Variants in FAM107A observed in about 807,000 individuals in gnomAD.
FAM107A encodes the protein actin-associated protein FAM107A.
In FAM107A, 19 loss-of-function variants were observed where a neutral mutation model predicts 13.7. The ratio of observed to expected loss-of-function variants is 1.38; its 90% CI spans 0.97 to 2.03. The LOEUF (loss-of-function observed/expected upper bound fraction) is 2.03. Among genes scored for constraint, FAM107A ranks in the 30% most tolerant of loss-of-function variants. The pLI is 0.00. For synonymous variants in FAM107A, 82 were observed against 74.5 expected (o/e 1.10, Z -0.52); for missense variants, 203 against 184.4 (o/e 1.10, Z -0.58).
At chr3:58,614,271 C>A (rs1438862663) in intron 1 of FAM107A, among the ~76,000 whole-genome samples, 5 of 152,074 alleles carry the variant, frequency 3.3e-5, no homozygotes, top group Non-Finnish European at 7.4e-5. Context: ...TTTTTTGCTT[C>A]TATGTCATGA....
At chr3:58,618,432 C>T (rs2065923254) in intron 1 of FAM107A, among the ~76,000 whole-genome samples, 1 of 152,196 alleles carries the variant, frequency 6.6e-6, no homozygotes, top group South Asian at 2.1e-4. Context: ...CTCACTTTAC[C>T]CTAAACCAGT....
Position 58,613,888 on chromosome 3 carries a change from C to A in FAM107A, c.-70+13528G>T, listed in dbSNP as rs930069615. Among the ~76,000 whole-genome samples the A allele has an allele frequency of 6.6e-6, 1 of 152,246 alleles. No individual in the cohort carries two copies. Among genetic ancestry groups the A allele is most frequent in the Non-Finnish European group, 1.5e-5 (1 of 68,036 alleles). ...TATACGTTACATCTGCCTCAGACAG[C>A]CTTCTGGCTCTGGCTCCTGCAGGTG... is the stretch of plus-strand genomic sequence containing the variant. On this transcript the variant is annotated intron_variant, in intron 1 of 3. Transcript: ENST00000465970. This position sits in a 1 kb window ranked among gnomAD's most constrained non-coding sequence, Gnocchi z 4.6.
At chr3:58,577,424 C>T (rs2306671), upstream of FAM107A, 494,830 of 984,924 alleles carry the variant, frequency 0.5, 126,482 homozygotes, top group Non-Finnish European at 0.52. The surrounding 1 kb of genome is among the most constrained non-coding windows in gnomAD (Gnocchi z 4.9). Context: ...TTCTTAAACC[C>T]CTGGGAACGG....
intron 1 of FAM107A, among the ~76,000 whole-genome samples, chr3:58,570,083 G>A (rs2063666459): frequency 2.0e-5 from 3 of 152,178 alleles, no homozygotes; most frequent in Admixed American, 1.3e-4. Context: ...CAGAATTGGA[G>A]ATGATGTTTG....
chr3:58,593,521 A>G lies in FAM107A; in HGVS notation c.-69-4252T>C, dbSNP rs377082270. On this transcript the variant is annotated intron_variant, in intron 1 of 3. Transcript: ENST00000465970. The stretch of plus-strand genomic sequence containing the variant: ...ACAACCACCCTTAAGTCTCTCTTGA[A>G]GCGGATAGAAGATCTTCAGTGGCAA... Among the ~76,000 whole-genome samples, 137 of 152,232 alleles carry G rather than the reference A, an allele frequency of 9.0e-4. 1 individual carries two copies. The highest frequency in any genetic ancestry group is 2.7e-3 in the African/African-American group (114 of 41,530).
At chr3:58,590,454 G>C (rs985830051), upstream of FAM107A, among the ~76,000 whole-genome samples, 2 of 152,166 alleles carry the variant, frequency 1.3e-5, no homozygotes, top group African/African-American at 4.8e-5. Context: ...GATACCAACA[G>C]TAATTTGTTC....
In FAM107A at chr3:58,599,534, C is replaced by T. The variant is rs1192397696; in HGVS notation, c.-69-10265G>A. ...AAAACTAATCTCTAGTGTTAGAAGT[C>T]GGGATAGTGGTTGCCCCTGTGGAGG... is the stretch of plus-strand genomic sequence containing the variant. On this transcript the variant is annotated intron_variant, in intron 1 of 3. Coordinates refer to the FAM107A transcript ENST00000465970. Among the ~76,000 whole-genome samples the T allele has an allele frequency of 2.0e-5, 3 of 152,012 alleles. 1 individual carries two copies. Among genetic ancestry groups the T allele is most frequent in the South Asian group, 4.2e-4 (2 of 4,806 alleles).
At chr3:58,609,716 G>C (rs79563940) in intron 1 of FAM107A, among the ~76,000 whole-genome samples, 3,024 of 152,284 alleles carry the variant, frequency 0.02, 46 homozygotes, top group Non-Finnish European at 0.027. Context: ...GGGGGTCGTG[G>C]AGGAGGGAAA....
Position 58,566,658 on chromosome 3 carries a change from G to A in FAM107A, c.365C>T (p.Pro122Leu). Residue 122 changes from proline (P) to leucine (L), a missense_variant, in exon 4 of 4, where the codon CCC becomes CTC. By Grantham distance (98) the Pro-to-Leu change is moderately conservative (BLOSUM62 -3). Coordinates refer to ENST00000360997, the MANE Select transcript of FAM107A (RefSeq NM_001076778.3). ...GTTTTCCCTGACTTTAATAAACTCG[G>A]GGGCGTGATCCTCTTCCTTCTCTGG... ...KPPEKEEDHA[P>L]EFIKVRENLR... is the part of the protein sequence containing the mutation. The A allele has an allele frequency of 6.2e-7, 1 of 1,614,054 alleles. No individual in the cohort carries two copies. Among genetic ancestry groups the A allele is most frequent in the Non-Finnish European group, 8.5e-7 (1 of 1,179,972 alleles).
exon 1 of FAM107A, chr3:58,586,983 C>G: frequency 6.7e-7 from 1 of 1,493,260 alleles, no homozygotes; most frequent in Non-Finnish European, 8.9e-7. Flanking sequence ...GCCCCGCGAG[C>G]GCACAGCAGG....
intron 1 of FAM107A, among the ~76,000 whole-genome samples, chr3:58,602,441 T>G (rs6445994): frequency 0.43 from 65,355 of 152,048 alleles, 15,046 homozygotes; most frequent in East Asian, 0.62. Flanking sequence ...TATCTGTGCT[T>G]TTCCATTTCT....
At chr3:58,583,547 G>A (rs542219694) in intron 1 of FAM107A, among the ~76,000 whole-genome samples, 18 of 151,964 alleles carry the variant, frequency 1.2e-4, no homozygotes, top group South Asian at 1.0e-3. Flanking sequence ...GCTTGAACTC[G>A]GGAGCCAGAG....
rs943289950 is a variant in FAM107A, at chr3:58,565,243, T to G, written c.*1345A>C. On this transcript the variant is annotated 3_prime_UTR_variant, in exon 4 of 4. Coordinates refer to ENST00000360997, the MANE Select transcript of FAM107A (RefSeq NM_001076778.3). ...GGAAAGGCCTTCTGAAGAAGAAAAA[T>G]GGGTGAATTCACTGGAGTTGGCCCA... 2.6e-5 allele frequency: 4 copies of G among 151,672 alleles called. No homozygotes were observed. The highest frequency in any genetic ancestry group is 4.4e-5 in the Non-Finnish European group (3 of 67,942). 9.4% of individuals were successfully genotyped at this position (151,672 alleles called of 1,614,324 possible). A position where few individuals can be genotyped will look rare whatever the true frequency, so the allele number is the denominator to read the frequency against.
chr3:58,594,451 G>A (rs1481508792), intron 1 of FAM107A, among the ~76,000 whole-genome samples: 1 of 152,108 alleles, frequency 6.6e-6, no homozygotes, highest in Non-Finnish European at 1.5e-5. Flanking sequence ...TGCCCTCGCT[G>A]GATCCGTAGG....
intron 1 of FAM107A, among the ~76,000 whole-genome samples, chr3:58,614,869 G>A (rs564989943): frequency 2.0e-5 from 3 of 151,924 alleles, no homozygotes; most frequent in Admixed American, 1.3e-4. Context: ...GCAATGGCAC[G>A]ATCTTGGCTC....
At chr3:58,625,807 A>G (rs2066008767) in intron 1 of FAM107A, among the ~76,000 whole-genome samples, 1 of 152,180 alleles carries the variant, frequency 6.6e-6, no homozygotes, top group Non-Finnish European at 1.5e-5. Context: ...AATTAACAAC[A>G]ATAGCAGTAC....
At chr3:58,622,939 T>G (rs1233621900) in intron 1 of FAM107A, among the ~76,000 whole-genome samples, 3 of 152,156 alleles carry the variant, frequency 2.0e-5, no homozygotes, top group African/African-American at 7.2e-5. Flanking sequence ...CCCTTTCTCC[T>G]CAGAGAAGCC....
rs886559242 is a variant in FAM107A at position 58,564,848 on chromosome 3, G to C, written c.*1740C>G. On this transcript the variant is annotated 3_prime_UTR_variant, in exon 4 of 4. Transcript: ENST00000360997. The surrounding 1 kb of genome is among the most constrained non-coding windows in gnomAD (Gnocchi z 5.6). ...CAGTCACATTCAGGAGCCTCTTGGA[G>C]CTTGACTTATACACACGCACACAGG... The C allele has an allele frequency of 6.6e-6, 1 of 152,278 alleles. No homozygotes were observed. The highest frequency in any genetic ancestry group is 2.1e-4 in the South Asian group (1 of 4,830). The allele number at this position is 152,278 out of a possible 1,614,324, so 9.4% of individuals were successfully genotyped here. A position where few individuals can be genotyped will look rare whatever the true frequency, so the allele number is the denominator to read the frequency against.
chr3:58,597,430 A>C (rs567378682), intron 1 of FAM107A, among the ~76,000 whole-genome samples: 45 of 152,322 alleles, frequency 3.0e-4, no homozygotes, highest in African/African-American at 1.1e-3. Context: ...ATGGGCCTGA[A>C]TTCTGAATTT....
Sources: gnomAD v4.1 joint callset for allele counts (sites outside exome capture counted in the v4.1 genomes callset) on GRCh38, gnomAD v4.1.1 for gene constraint, Gnocchi (gnomAD v3.1) non-coding constraint, MANE v1.5 for transcripts, NCBI Gene and HGNC (gene_info 2026-07-23, HGNC 2026-07-21) for gene names.